The following AHDC1 variants were observed in gnomAD, a reference collection of about 807,000 sequenced individuals.
AHDC1 encodes transcription factor Gibbin.
Under a neutral mutation model 87.9 loss-of-function variants are expected in AHDC1, and 7 were observed. That is an observed-to-expected ratio of 0.08 (90% CI 0.05 to 0.15). The LOEUF is 0.15. Among genes scored for constraint, AHDC1 ranks in the 10% least tolerant of loss-of-function variants. The pLI, the probability that AHDC1 is intolerant of heterozygous loss-of-function variation, is 1.00. For missense variants in AHDC1, 1,841 were observed against 2,253.2 expected (o/e 0.82, Z 3.70); for synonymous variants, 1,051 against 1,006.8 (o/e 1.04, Z -0.83).
chr1:27,546,355 A>C (rs148242405), intron 8 of AHDC1, among the ~76,000 whole-genome samples: 1 of 152,144 alleles, frequency 6.6e-6, no homozygotes, highest in African/African-American at 2.4e-5. Flanking sequence ...TAAAACACCA[A>C]ATCTTGAGAA....
Position 27,547,535 on chromosome 1 carries a change from T to C in AHDC1, c.4581A>G (p.Pro1527=). The C allele has an allele frequency of 3.1e-6, 5 of 1,611,018 alleles. No individual in the cohort carries two copies. The highest frequency in any genetic ancestry group is 4.2e-6 in the Non-Finnish European group (5 of 1,178,878). The change falls in exon 8 of 9, where the codon CCA becomes CCG. Residue 1527 remains proline, a synonymous_variant. Coordinates refer to ENST00000673934, the MANE Select transcript of AHDC1 (RefSeq NM_001371928.1). The surrounding 1 kb of genome is among the most constrained non-coding windows in gnomAD (Gnocchi z 4.9). The stretch of plus-strand genomic sequence containing the variant: ...CAGCGGCTGCAGCAGGGCCACGGGG[T>C]GGGCCAGGGGGCCGGGCCATTTCCA... The part of the protein sequence containing the change: ...EPLEMARPPG[P]PRGPAAAAAG...
rs2020146128 is a variant in AHDC1, at chr1:27,562,674, G to A, written c.-628-3791C>T. 6.6e-6 allele frequency among the ~76,000 whole-genome samples: 1 copy of A among 152,180 alleles called. No homozygotes were observed. The highest frequency in any genetic ancestry group is 2.4e-5 in the African/African-American group (1 of 41,420). On this transcript the variant is annotated intron_variant, in intron 3 of 8. Transcript: ENST00000673934. This position sits in a 1 kb window ranked among gnomAD's most constrained non-coding sequence, Gnocchi z 4.4. ...AGCTCCCACTTGTCCCTCTGCTCAG[G>A]GCCCTAAGCATTTCCTCTGGCCAGC...
intron 8 of AHDC1, among the ~76,000 whole-genome samples, chr1:27,545,946 C>G (rs1271084921): frequency 2.0e-5 from 3 of 152,170 alleles, no homozygotes; most frequent in Non-Finnish European, 2.9e-5. Context: ...GCATGCTGCC[C>G]TTTGTCACCT....
intron 3 of AHDC1, among the ~76,000 whole-genome samples, chr1:27,586,711 T>C (rs763847361): frequency 8.5e-5 from 13 of 152,060 alleles, no homozygotes; most frequent in Non-Finnish European, 1.5e-4. Flanking sequence ...CAGCTACCCA[T>C]AGGCACCCAC....
chr1:27,553,841 G>A (rs1315601701), intron 5 of AHDC1, among the ~76,000 whole-genome samples: 4 of 152,182 alleles, frequency 2.6e-5, no homozygotes, highest in Non-Finnish European at 5.9e-5. Context: ...TGAGGCAGGA[G>A]GATCGCTTGA....
intron 3 of AHDC1, among the ~76,000 whole-genome samples, chr1:27,582,797 G>A (rs1375037124): frequency 2.0e-5 from 3 of 152,238 alleles, no homozygotes; most frequent in Admixed American, 6.5e-5. Context: ...TTGGAGATGC[G>A]ATGTTCAGTT....
At chr1:27,542,875 G>T (rs918359710) in intron 8 of AHDC1, among the ~76,000 whole-genome samples, 4 of 152,262 alleles carry the variant, frequency 2.6e-5, no homozygotes, top group African/African-American at 9.6e-5. Context: ...GGAGTGGCAA[G>T]AGATAGGATC....
intron 3 of AHDC1, among the ~76,000 whole-genome samples, chr1:27,580,330 C>G (rs2088869576): frequency 6.6e-6 from 1 of 152,194 alleles, no homozygotes; most frequent in Non-Finnish European, 1.5e-5. Context: ...GAAGCCAGGC[C>G]AGGGGGCTCT....
In AHDC1 at chr1:27,595,536, G is replaced by A. The variant is rs544989143; in HGVS notation, c.-629+7861C>T. ...TCATAAAAATGTGGGTTTTGGTTAA[G>A]TACTAGGGCTGTGAACATGTGCCTG... On this transcript the variant is annotated intron_variant, in intron 3 of 8. Coordinates refer to ENST00000673934, the MANE Select transcript of AHDC1 (RefSeq NM_001371928.1). This position sits in a 1 kb window ranked among gnomAD's most constrained non-coding sequence, Gnocchi z 4.0. Among the ~76,000 whole-genome samples the A allele has an allele frequency of 1.3e-5, 2 of 151,796 alleles. No homozygotes were observed. Among genetic ancestry groups the A allele is most frequent in the Admixed American group, 1.3e-4 (2 of 15,248 alleles).
chr1:27,566,063 A>C (rs2020301878), intron 3 of AHDC1, among the ~76,000 whole-genome samples: 2 of 152,200 alleles, frequency 1.3e-5, no homozygotes, highest in Admixed American at 1.3e-4. Context: ...CCAGCTCCCC[A>C]ATCTTCATAG....
In AHDC1 at chr1:27,550,161, G is replaced by A. The variant is rs1422841313; in HGVS notation, c.1955C>T (p.Thr652Ile). The A allele has an allele frequency of 3.1e-6, 5 of 1,611,220 alleles. No homozygotes were observed. Among genetic ancestry groups the A allele is most frequent in the Non-Finnish European group, 4.2e-6 (5 of 1,179,904 alleles). ...ATGCAGGAAGTGGGAGATGCTCTGG[G>A]TGTCGGGGGCCTGGTGCACCGACTC... Reference protein sequence around the residue: ...EPESVHQAPDTQSISHFLHRV... With the variant: ...EPESVHQAPDIQSISHFLHRV... The change falls in exon 8 of 9, where the codon ACC becomes ATC. Residue 652 changes from threonine (T) to isoleucine (I), a missense_variant. Physicochemically the swap from Thr to Ile is moderately conservative, Grantham distance 89. This residue lies in a region of AHDC1 where 236 missense variants were observed against 257.9 expected (regional missense o/e 0.92). Coordinates refer to ENST00000673934, the MANE Select transcript of AHDC1 (RefSeq NM_001371928.1).
chr1:27,597,210 G>A (rs59503658), intron 3 of AHDC1, among the ~76,000 whole-genome samples: 2,121 of 152,324 alleles, frequency 0.014, 57 homozygotes, highest in African/African-American at 0.047. Flanking sequence ...GTATGTAGGA[G>A]GGTGTCCCAT....
Position 27,549,139 on chromosome 1 carries a change from C to T in AHDC1, c.2977G>A (p.Ala993Thr), listed in dbSNP as rs545499228. The T allele has an allele frequency of 1.0e-5, 16 of 1,555,568 alleles. No individual in the cohort carries two copies. The highest frequency in any genetic ancestry group is 1.7e-4 in the Middle Eastern group (1 of 5,792). The stretch of plus-strand genomic sequence containing the variant: ...GCGAAGCTGCAGTCCTTGCTGTTAG[C>T]GCAGTCCTGGCCTGTAAAGGGCTTA... ...PTKPFTGQDC[A>T]NSKDCSFAYG... The change falls in exon 8 of 9, where the codon GCT becomes ACT. Residue 993 changes from alanine to threonine, a missense_variant. Coordinates refer to ENST00000673934, the MANE Select transcript of AHDC1 (RefSeq NM_001371928.1).
chr1:27,567,869 C>T (rs1206520861), intron 3 of AHDC1, among the ~76,000 whole-genome samples: 1 of 152,184 alleles, frequency 6.6e-6, no homozygotes, highest in East Asian at 1.9e-4. Flanking sequence ...AGGGCTCTTC[C>T]AGTTTGTGGG....
rs757367512 is a variant in AHDC1, at chr1:27,548,058, G to A, written c.4058C>T (p.Thr1353Met). The change falls in exon 8 of 9, where the codon ACG (threonine) becomes ATG (methionine). Residue 1353 changes from threonine to methionine, a missense_variant. By Grantham distance (81) the Thr-to-Met change is moderately conservative. This residue lies in a region of AHDC1 where 505 missense variants were observed against 626.2 expected (regional missense o/e 0.81). Transcript: ENST00000673934. ...TTGGCCAAAGGTGCCATCGGAAGGC[G>A]TGGACGGGTTCATGGAGTAGGGTCC... ...FIGPYSMNPS[T>M]PSDGTFGQGF... 4 of 1,613,890 alleles carry A rather than the reference G, an allele frequency of 2.5e-6. No homozygotes were observed. Among genetic ancestry groups the A allele is most frequent in the South Asian group, 1.1e-5 (1 of 91,082 alleles).
In AHDC1 at chr1:27,562,300, G is replaced by A. The variant is rs993716923; in HGVS notation, c.-628-3417C>T. On this transcript the variant is annotated intron_variant, in intron 3 of 8. Transcript: ENST00000673934. The surrounding 1 kb of genome is among the most constrained non-coding windows in gnomAD (Gnocchi z 4.4). ...ACAGGCCCGAATAGTGCTGACTTGCGGTTCAGAAATCCAATATCCTCCCCG... is the reference window on the plus strand; with the variant it reads ...ACAGGCCCGAATAGTGCTGACTTGCAGTTCAGAAATCCAATATCCTCCCCG... Among the ~76,000 whole-genome samples, 2 of 152,064 alleles carry A rather than the reference G, an allele frequency of 1.3e-5. No homozygotes were observed. Among genetic ancestry groups the A allele is most frequent in the Non-Finnish European group, 2.9e-5 (2 of 67,996 alleles).
At chr1:27,599,719 A>C (rs1413005787) in intron 3 of AHDC1, among the ~76,000 whole-genome samples, 1 of 152,096 alleles carries the variant, frequency 6.6e-6, no homozygotes, top group Non-Finnish European at 1.5e-5. Context: ...AGAGCACCTG[A>C]CAACCTGTAG....
intron 3 of AHDC1, among the ~76,000 whole-genome samples, chr1:27,576,432 C>A (rs944669204): frequency 6.6e-6 from 1 of 152,238 alleles, no homozygotes; most frequent in Non-Finnish European, 1.5e-5. Flanking sequence ...CCAATGGTCA[C>A]TGCTAACACA....
intron 8 of AHDC1, among the ~76,000 whole-genome samples, chr1:27,541,385 C>T (rs954093614): frequency 4.6e-5 from 7 of 151,990 alleles, no homozygotes; most frequent in Non-Finnish European, 8.8e-5. Flanking sequence ...GTGGTACGAT[C>T]GTAGTTCACT....
Sources: allele counts gnomAD v4.1 joint callset (sites outside exome capture counted in the v4.1 genomes callset), GRCh38; gene constraint gnomAD v4.1.1; regional missense constraint gnomAD v4.1.1; non-coding constraint Gnocchi (gnomAD v3.1); transcripts MANE v1.5; gene names NCBI Gene and HGNC (gene_info 2026-07-23, HGNC 2026-07-21).